SYNE2: variants seen among roughly 807,000 people sequenced by gnomAD.
The protein encoded by SYNE2 is spectrin repeat containing nuclear envelope protein 2.
A neutral mutation model predicts 856.3 loss-of-function variants in SYNE2; 431 were observed. The observed-to-expected ratio is 0.50, with a 90% CI of 0.47 to 0.55. The LOEUF (loss-of-function observed/expected upper bound fraction) is 0.55. Ranked by LOEUF, SYNE2 falls within the 20% of genes least tolerant of loss-of-function variation. The pLI is 0.00. For synonymous variants in SYNE2, 2,923 were observed against 2,872.3 expected (o/e 1.02, Z -0.56); for missense variants, 8,129 against 8,023.2 (o/e 1.01, Z -0.50).
intron 2 of SYNE2, among the ~76,000 whole-genome samples, chr14:63,929,784 A>AAT (rs1555383351): frequency 1.3e-5 from 2 of 149,460 alleles, no homozygotes; most frequent in African/African-American, 2.5e-5. Flanking sequence ...AAAAAAAAAA[A>AAT]TTTTTTTTTT....
At chr14:63,781,901 G>C (rs758982784) in intron 1 of SYNE2, among the ~76,000 whole-genome samples, 2 of 151,050 alleles carry the variant, frequency 1.3e-5, no homozygotes, top group Non-Finnish European at 3.0e-5. Context: ...CCAGCACTTT[G>C]AAAGGCCGAG....
chr14:63,848,705 T>G (rs2139950863), upstream of SYNE2, among the ~76,000 whole-genome samples: 1 of 152,354 alleles, frequency 6.6e-6, no homozygotes, highest in African/African-American at 2.4e-5. Flanking sequence ...TTTTAAAATC[T>G]AATACTTTAA....
intron 76 of SYNE2, 62 bp from the exon 77 acceptor site, chr14:64,132,203 A>C: frequency 6.3e-7 from 1 of 1,579,346 alleles, no homozygotes; most frequent in Admixed American, 1.7e-5. Flanking sequence ...AGTTGAAGTA[A>C]CTTGGTTTTT....
intron 1 of SYNE2, among the ~76,000 whole-genome samples, chr14:63,769,328 A>G (rs1325492425): frequency 6.6e-6 from 1 of 152,114 alleles, no homozygotes; most frequent in African/African-American, 2.4e-5. Flanking sequence ...TAATCCCAGC[A>G]CTTTGGGAGG....
At chr14:64,143,019 A>T (rs1336400061) in intron 82 of SYNE2, among the ~76,000 whole-genome samples, 1 of 152,226 alleles carries the variant, frequency 6.6e-6, no homozygotes, top group African/African-American at 2.4e-5. Flanking sequence ...CTTAATCACC[A>T]AGCAAGATAT....
At chr14:63,943,133 G>A (rs2095950314) in intron 6 of SYNE2, among the ~76,000 whole-genome samples, 1 of 152,140 alleles carries the variant, frequency 6.6e-6, no homozygotes, top group Admixed American at 6.5e-5. Context: ...TCCCCATTTT[G>A]GGGGACTCCT....
chr14:63,935,786 G>T (rs919525932), intron 2 of SYNE2, among the ~76,000 whole-genome samples: 10 of 152,054 alleles, frequency 6.6e-5, no homozygotes, highest in Non-Finnish European at 1.5e-5. Context: ...GGCCAACGTG[G>T]GAAGATCACT....
chr14:64,215,631 T>C (rs2140275529), intron 107 of SYNE2: 3 of 555,908 alleles, frequency 5.4e-6, no homozygotes, highest in Middle Eastern at 4.8e-4. Flanking sequence ...GATGATTTTT[T>C]TCTCCATCTA....
At chr14:64,082,779 T>A (rs1439632387) in intron 57 of SYNE2, among the ~76,000 whole-genome samples, 1 of 152,228 alleles carries the variant, frequency 6.6e-6, no homozygotes, top group Non-Finnish European at 1.5e-5. Flanking sequence ...TACACAGCAA[T>A]AGAAAACGAA....
chr14:63,826,424 C>T (rs751862934), intron 1 of SYNE2, among the ~76,000 whole-genome samples: 12 of 152,210 alleles, frequency 7.9e-5, no homozygotes, highest in Non-Finnish European at 1.5e-4. Context: ...CTCAGCTTCC[C>T]GAGTAGCTGG....
rs750925977 is a variant in SYNE2, at chr14:64,208,939, G to A, written c.18383G>A (p.Arg6128His). The change falls in exon 101 of 116, where the codon CGC becomes CAC. Residue 6128 changes from arginine (R) to histidine (H), a missense_variant. Coordinates refer to ENST00000555002, the MANE Select transcript of SYNE2 (RefSeq NM_182914.3). Reference protein sequence around the residue: ...RNICAMSMERRMKIEETWRLW... With the variant: ...RNICAMSMERHMKIEETWRLW... ...ATTTGTGCCATGTCCATGGAGCGGC[G>A]CATGAAGTAAGAACTAAGCTCCCCC... is the stretch of plus-strand genomic sequence containing the variant. The A allele has an allele frequency of 6.8e-6, 11 of 1,613,556 alleles. No homozygotes were observed. Among genetic ancestry groups the A allele is most frequent in the South Asian group, 2.2e-5 (2 of 90,992 alleles).
chr14:63,764,862 T>C (rs1468236867), intron 1 of SYNE2, among the ~76,000 whole-genome samples: 1 of 152,156 alleles, frequency 6.6e-6, no homozygotes. Flanking sequence ...GTGGGCAGAC[T>C]GCTTGAGCTG....
intron 9 of SYNE2, among the ~76,000 whole-genome samples, chr14:63,963,520 TTTGAG>T (rs1303995216): frequency 6.6e-6 from 1 of 152,172 alleles, no homozygotes; most frequent in Non-Finnish European, 1.5e-5. Context: ...CTCGAAAGTG[TTTGAG>T]TTATTTTTGA....
chr14:63,910,262 T>G (rs2095457631), intron 2 of SYNE2, among the ~76,000 whole-genome samples: 1 of 152,246 alleles, frequency 6.6e-6, no homozygotes, highest in Non-Finnish European at 1.5e-5. Context: ...GATATTTTCC[T>G]TTAAATTAAA....
rs147149536 is a variant in SYNE2, at chr14:63,976,104, G to A, written c.1129-459G>A. 4.7e-4 allele frequency among the ~76,000 whole-genome samples: 72 copies of A among 152,296 alleles called. No individual in the cohort carries two copies. The East Asian group carries it at 0.013, about 27-fold the overall frequency. On this transcript the variant is annotated intron_variant, in intron 11 of 115. Transcript: ENST00000555002. ...GTGCTTTCGTGAAGGACAGATATTC[G>A]GGAGATATGGTAGAGATATGTCATG...
chr14:63,940,197 A>C (rs1376290462), intron 2 of SYNE2, among the ~76,000 whole-genome samples: 1 of 150,760 alleles, frequency 6.6e-6, no homozygotes, highest in Non-Finnish European at 1.5e-5. Flanking sequence ...CCCCCCTCAC[A>C]GGTTCATGCC....
chr14:64,000,470 C>T, intron 27 of SYNE2, 92 bp from the exon 28 acceptor site: 2 of 1,181,278 alleles, frequency 1.7e-6, no homozygotes, highest in Non-Finnish European at 1.3e-6. Context: ...GTGTTTGCTT[C>T]CACAGTTGGT....
At chr14:63,829,774 C>T (rs1889597914) in intron 1 of SYNE2, among the ~76,000 whole-genome samples, 1 of 152,010 alleles carries the variant, frequency 6.6e-6, no homozygotes, top group African/African-American at 2.4e-5. Flanking sequence ...ACATGCACTG[C>T]CCCAGATAAT....
intron 1 of SYNE2, among the ~76,000 whole-genome samples, chr14:63,830,465 C>T (rs898780978): frequency 3.3e-5 from 5 of 151,804 alleles, no homozygotes; most frequent in African/African-American, 7.3e-5. Flanking sequence ...TTGAGGCTAG[C>T]CTGGGCAACA....
Sources: allele counts gnomAD v4.1 joint callset (sites outside exome capture counted in the v4.1 genomes callset), GRCh38; gene constraint gnomAD v4.1.1; transcripts MANE v1.5; gene names NCBI Gene and HGNC (gene_info 2026-07-23, HGNC 2026-07-21).